The following GPC5 variants were observed in gnomAD, a reference collection of about 807,000 sequenced individuals.
GPC5 encodes glypican 5, also known as glypican-5.
GPC5 carries 47 observed loss-of-function variants against 53.9 expected under a neutral mutation model. That is an observed-to-expected ratio of 0.87 (90% CI 0.69 to 1.11). The LOEUF is 1.11. Among genes scored for constraint, GPC5 ranks in the 50% most tolerant of loss-of-function variants. The pLI is 0.00. For synonymous variants in GPC5, 286 were observed against 263.3 expected (o/e 1.09, Z -0.84); for missense variants, 748 against 713.1 (o/e 1.05, Z -0.56).
intron 5 of GPC5, among the ~76,000 whole-genome samples, chr13:91,813,618 G>T (rs976499703): frequency 7.9e-5 from 12 of 152,130 alleles, no homozygotes; most frequent in African/African-American, 2.9e-4. Context: ...ATCAGGAGTG[G>T]GGGTTAGGAA....
At chr13:92,277,757 CTTCTCTAG>C (rs2042886123) in intron 7 of GPC5, among the ~76,000 whole-genome samples, 1 of 151,864 alleles carries the variant, frequency 6.6e-6, no homozygotes, top group Non-Finnish European at 1.5e-5. Context: ...CTTGTTTCTA[CTTCTCTAG>C]TAGAAACAAG....
At chr13:92,728,532 C>T (rs770823701) in intron 7 of GPC5, among the ~76,000 whole-genome samples, 10 of 151,284 alleles carry the variant, frequency 6.6e-5, no homozygotes, top group Non-Finnish European at 7.4e-5. Flanking sequence ...ACATGAAAAA[C>T]AGAGAAAGCC....
intron 7 of GPC5, among the ~76,000 whole-genome samples, chr13:92,391,219 CA>C (rs1378223968): frequency 6.6e-6 from 1 of 151,950 alleles, no homozygotes; most frequent in Non-Finnish European, 1.5e-5. Context: ...ATTAATTCTC[CA>C]ACCCATTTTT....
At chr13:92,413,491 C>T (rs945620537) in intron 7 of GPC5, among the ~76,000 whole-genome samples, 1 of 152,180 alleles carries the variant, frequency 6.6e-6, no homozygotes, top group Non-Finnish European at 1.5e-5. Context: ...AAAACTCCAT[C>T]TAAGCTTTTT....
At chr13:91,727,472 A>C (rs1053027747) in intron 3 of GPC5, among the ~76,000 whole-genome samples, 2 of 152,184 alleles carry the variant, frequency 1.3e-5, no homozygotes, top group South Asian at 2.1e-4. Context: ...CTATTAGGAG[A>C]AACTTTAGTT....
intron 7 of GPC5, among the ~76,000 whole-genome samples, chr13:92,413,988 A>C (rs913927603): frequency 2.6e-5 from 4 of 152,092 alleles, no homozygotes; most frequent in Admixed American, 6.5e-5. Context: ...TTTCTATTTC[A>C]TTCTATAACT....
intron 2 of GPC5, among the ~76,000 whole-genome samples, chr13:91,457,128 C>T (rs118140489): frequency 0.031 from 4,688 of 152,062 alleles, 100 homozygotes; most frequent in Middle Eastern, 0.044. Context: ...TGATGTATTA[C>T]ATTACTTGCC....
intron 6 of GPC5, among the ~76,000 whole-genome samples, chr13:91,964,004 T>C (rs1379825912): frequency 6.6e-6 from 1 of 152,136 alleles, no homozygotes; most frequent in Non-Finnish European, 1.5e-5. Context: ...GTGTTTGGAA[T>C]TGGTGGGTTC....
chr13:91,466,345 A>G (rs1882237741), intron 2 of GPC5, among the ~76,000 whole-genome samples: 1 of 152,170 alleles, frequency 6.6e-6, no homozygotes, highest in Non-Finnish European at 1.5e-5. Flanking sequence ...TGTCCAAGTC[A>G]TTCTTTGGCC....
At chr13:92,453,786 C>T (rs1465913932) in intron 7 of GPC5, among the ~76,000 whole-genome samples, 2 of 152,122 alleles carry the variant, frequency 1.3e-5, no homozygotes, top group East Asian at 1.9e-4. Context: ...CTTTCTTCAT[C>T]CAGGCTGTTT....
intron 7 of GPC5, among the ~76,000 whole-genome samples, chr13:92,571,807 G>A (rs540145158): frequency 6.6e-6 from 1 of 152,260 alleles, no homozygotes; most frequent in Admixed American, 6.5e-5. Context: ...GGGAGGCGAA[G>A]GTGAGTGGAT....
At chr13:92,249,551 G>A (rs2042677180) in intron 7 of GPC5, among the ~76,000 whole-genome samples, 1 of 152,002 alleles carries the variant, frequency 6.6e-6, no homozygotes, top group Admixed American at 6.6e-5. Flanking sequence ...TTATCCTGAT[G>A]TTTTCCTACT....
At position 91,577,017 on chromosome 13, in the gene GPC5, G is replaced by GT. The variant is rs144138969; in HGVS notation, c.326-116169dup. 6.6e-3 allele frequency among the ~76,000 whole-genome samples: 1,006 copies of GT among 152,142 alleles called. 7 individuals are homozygous for GT. Among genetic ancestry groups the GT allele is most frequent in the African/African-American group, 0.023 (954 of 41,520 alleles). On this transcript the variant is annotated intron_variant, in intron 2 of 7. Transcript: ENST00000377067. Reference sequence around the variant, plus strand: ...GTATCAGAATTTTTGCATTAGTTCTGTATTTGACCTTCTCTCTACTCCTTA... The same window carrying GT: ...GTATCAGAATTTTTGCATTAGTTCTGTTATTTGACCTTCTCTCTACTCCTTA...
chr13:92,835,185 T>C (rs529364446), intron 7 of GPC5, among the ~76,000 whole-genome samples: 2 of 152,174 alleles, frequency 1.3e-5, no homozygotes, highest in South Asian at 4.1e-4. Context: ...TAGGTTCTTA[T>C]TTTAATATTG....
chr13:92,279,271 G>T (rs530294124), intron 7 of GPC5, among the ~76,000 whole-genome samples: 1 of 151,686 alleles, frequency 6.6e-6, no homozygotes, highest in African/African-American at 2.4e-5. Context: ...TATTGTTTCC[G>T]CTTTGGATGC....
chr13:91,952,419 C>A (rs1241100494), intron 6 of GPC5, among the ~76,000 whole-genome samples: 2 of 152,170 alleles, frequency 1.3e-5, no homozygotes, highest in African/African-American at 4.8e-5. Flanking sequence ...CTGTCTGCTT[C>A]CAAAGCCTGT....
intron 7 of GPC5, among the ~76,000 whole-genome samples, chr13:92,459,717 G>T (rs1372552171): frequency 6.6e-6 from 1 of 152,080 alleles, no homozygotes; most frequent in Non-Finnish European, 1.5e-5. Context: ...TGTTAGTCCT[G>T]ATGAAATGCA....
intron 3 of GPC5, among the ~76,000 whole-genome samples, chr13:91,726,312 T>C (rs1169251356): frequency 6.6e-6 from 1 of 152,184 alleles, no homozygotes; most frequent in East Asian, 1.9e-4. Context: ...CAGGACTACT[T>C]GAAAAGTCTA....
rs540927791 is a variant in GPC5, at chr13:92,517,134, G to A, written c.1562-349148G>A. Among the ~76,000 whole-genome samples, 245 of 152,232 alleles carry A rather than the reference G, an allele frequency of 1.6e-3. 2 individuals are homozygous for A. Among genetic ancestry groups the A allele is most frequent in the African/African-American group, 5.4e-3 (223 of 41,540 alleles). On this transcript the variant is annotated intron_variant, in intron 7 of 7. Coordinates refer to ENST00000377067, the MANE Select transcript of GPC5 (RefSeq NM_004466.6). ...AAGGCGGCAGTGAGGCTGGGGGAGG[G>A]GCTCCCACCATTCCTGAGGCTTGTG...
Sources: gnomAD v4.1 joint callset for allele counts (sites outside exome capture counted in the v4.1 genomes callset) on GRCh38, gnomAD v4.1.1 for gene constraint, MANE v1.5 for transcripts, NCBI Gene and HGNC (gene_info 2026-07-23, HGNC 2026-07-21) for gene names.